Variants in GAD1 observed in about 807,000 individuals in gnomAD.
GAD1 encodes the protein 67 kDa glutamic acid decarboxylase.
GAD1 carries 35 observed loss-of-function variants against 75.2 expected under a neutral mutation model. The observed-to-expected ratio is 0.47, with a 90% CI of 0.36 to 0.62. The LOEUF is 0.62. Among genes scored for constraint, GAD1 ranks in the 20% least tolerant of loss-of-function variants. GAD1 has a pLI of 0.00. For missense variants in GAD1, 490 were observed against 758.5 expected (o/e 0.65, Z 4.16); for synonymous variants, 257 against 271.9 (o/e 0.95, Z 0.54).
chr2:170,847,771 T>C lies in GAD1; in HGVS notation c.1098T>C (p.Tyr366=), dbSNP rs559356309. ...IQEIADICEK[Y]NLWLHVDAAW... Reference sequence around the variant, plus strand: ...AGATTGCAGATATATGTGAGAAATATAACCTTTGGTTGCATGTCGATGTAA... The same window carrying C: ...AGATTGCAGATATATGTGAGAAATACAACCTTTGGTTGCATGTCGATGTAA... Residue 366 remains tyrosine, a synonymous_variant, in exon 11 of 17, where the codon TAT becomes TAC. Transcript: ENST00000358196. The C allele has an allele frequency of 2.5e-6, 4 of 1,613,174 alleles. No individual in the cohort carries two copies. Among genetic ancestry groups the C allele is most frequent in the East Asian group, 2.2e-5 (1 of 44,880 alleles).
intron 5 of GAD1, 130 bp downstream of exon 5, chr2:170,831,322 C>A: frequency 9.7e-7 from 1 of 1,032,016 alleles, no homozygotes; most frequent in Non-Finnish European, 1.5e-6. Context: ...GCAAAGTACC[C>A]AGTGACCACA....
At chr2:170,822,036 C>T (rs1293947962) in intron 2 of GAD1, 51 bp from the exon 3 acceptor site, 1 of 1,479,164 alleles carries the variant, frequency 6.8e-7, no homozygotes, top group African/African-American at 1.4e-5. Flanking sequence ...ACCCATTTCC[C>T]CGCGGTCGGA....
intron 11 of GAD1, 30 bp downstream of exon 11, chr2:170,847,822 T>C (rs1702665791): frequency 6.8e-7 from 1 of 1,465,556 alleles, no homozygotes; most frequent in African/African-American, 1.4e-5. Context: ...GGCCAGTCCA[T>C]GTGGGGGGTG....
At chr2:170,852,554 A>C (rs1411697935) in intron 12 of GAD1, 160 bp from the exon 13 acceptor site, 8 of 691,682 alleles carry the variant, frequency 1.2e-5, no homozygotes. Context: ...ATACTCCGAG[A>C]CTGCCTGCAA....
chr2:170,818,761 A>C lies in GAD1; in HGVS notation c.82+88A>C. On this transcript the variant is annotated intron_variant, in intron 2 of 16. Transcript: ENST00000358196. This position sits in a 1 kb window ranked among gnomAD's most constrained non-coding sequence, Gnocchi z 5.9. The stretch of plus-strand genomic sequence containing the variant: ...GGGAGGCTGAGCTGGCGGAAAGGGA[A>C]GGGGGAGCGCGGAGATAATGGAGGC... The C allele has an allele frequency of 4.7e-6, 6 of 1,270,714 alleles. No individual in the cohort carries two copies. The highest frequency in any genetic ancestry group is 1.7e-5 in the Admixed American group (1 of 59,026). The allele number at this position is 1,270,714 out of a possible 1,614,324, so 78.7% of individuals were successfully genotyped here.
At chr2:170,839,131 A>G (rs1040622180) in intron 6 of GAD1, among the ~76,000 whole-genome samples, 1 of 152,194 alleles carries the variant, frequency 6.6e-6, no homozygotes, top group African/African-American at 2.4e-5. Context: ...AGAATGGCAA[A>G]AGGATCTTTC....
Position 170,836,890 on chromosome 2 carries a change from C to A in GAD1, c.638+7C>A. On this transcript the variant is annotated splice_region_variant and intron_variant, in intron 6 of 16. Coordinates refer to ENST00000358196, the MANE Select transcript of GAD1 (RefSeq NM_000817.3). ...CAACGGCCAATACCAACATGTAAGT[C>A]TCATATGTTTTCATATAAGCAACCC... The A allele has an allele frequency of 6.2e-7, 1 of 1,604,578 alleles. No individual in the cohort carries two copies. The highest frequency in any genetic ancestry group is 8.5e-7 in the Non-Finnish European group (1 of 1,171,492).
chr2:170,844,689 T>C (rs988883863), intron 7 of GAD1, among the ~76,000 whole-genome samples: 1 of 152,230 alleles, frequency 6.6e-6, no homozygotes, highest in African/African-American at 2.4e-5. Context: ...AATTGATTGA[T>C]TTCAGCCAAA....
At chr2:170,855,209 C>CTTTTTTT (rs536241751) in intron 14 of GAD1, among the ~76,000 whole-genome samples, 1 of 129,284 alleles carries the variant, frequency 7.7e-6, no homozygotes, top group African/African-American at 2.8e-5. Flanking sequence ...GTCATTTTGT[C>CTTTTTTT]TTTTTTTTTT....
Position 170,825,052 on chromosome 2 carries a change from G to C in GAD1, c.145+2903G>C, listed in dbSNP as rs577133487. On this transcript the variant is annotated intron_variant, in intron 3 of 16. Transcript: ENST00000358196. ...TTTCTCTTGAAAAAACTTGGGGGTG[G>C]GCAATGGGGAGGGAAACATGGCAGG... 1.1e-4 allele frequency among the ~76,000 whole-genome samples: 16 copies of C among 152,136 alleles called. 1 individual carries two copies. Among genetic ancestry groups the C allele is most frequent in the Middle Eastern group, 6.8e-3 (2 of 294 alleles).
intron 5 of GAD1, among the ~76,000 whole-genome samples, chr2:170,831,765 TTATA>T (rs1013156344): frequency 4.3e-5 from 6 of 138,654 alleles, no homozygotes; most frequent in African/African-American, 1.5e-4. Context: ...ATATAAATAT[TTATA>T]TATAATATTT....
chr2:170,855,872 C>CAAAAAAAA (rs71008727), intron 14 of GAD1, among the ~76,000 whole-genome samples: 9 of 111,682 alleles, frequency 8.1e-5, no homozygotes, highest in Non-Finnish European at 1.0e-4. Context: ...GACTCCATCT[C>CAAAAAAAA]AAAAAAAAAA....
rs11896169 is a variant in GAD1 at position 170,833,013 on chromosome 2, G to C, written c.547+1821G>C. Among the ~76,000 whole-genome samples the C allele has an allele frequency of 4.3e-3, 656 of 152,348 alleles. 3 individuals are homozygous for C. The highest frequency in any genetic ancestry group is 0.015 in the African/African-American group (612 of 41,584). On this transcript the variant is annotated intron_variant, in intron 5 of 16. Transcript: ENST00000358196. Reference sequence around the variant, plus strand: ...GCTTTCCTGAGCTCTCAGGCAGACAGATCTAGAATAATTGACAGTCCCTAG... The same window carrying C: ...GCTTTCCTGAGCTCTCAGGCAGACACATCTAGAATAATTGACAGTCCCTAG...
chr2:170,829,876 G>A (rs1051823697), intron 4 of GAD1: 30 of 514,562 alleles, frequency 5.8e-5, no homozygotes, highest in East Asian at 1.4e-4. Flanking sequence ...AAAGACACTC[G>A]AGGGAACAAA....
At chr2:170,827,425 G>A (rs746907871) in intron 3 of GAD1, among the ~76,000 whole-genome samples, 3 of 152,254 alleles carry the variant, frequency 2.0e-5, no homozygotes, top group Admixed American at 6.5e-5. Flanking sequence ...AGGCTGAATT[G>A]AAGGAGGAGA....
intron 14 of GAD1, among the ~76,000 whole-genome samples, chr2:170,856,551 GATTA>G (rs1179263704): frequency 2.0e-5 from 3 of 152,176 alleles, no homozygotes; most frequent in East Asian, 1.9e-4. Context: ...ATACCCTAAA[GATTA>G]ATTGTTAGAA....
chr2:170,838,181 A>G (rs1433635800), intron 6 of GAD1, among the ~76,000 whole-genome samples: 2 of 152,198 alleles, frequency 1.3e-5, no homozygotes, highest in African/African-American at 4.8e-5. Flanking sequence ...AAAAACTAAA[A>G]CGATGTTCAT....
chr2:170,841,761 A>G (rs1355388284), intron 6 of GAD1, among the ~76,000 whole-genome samples: 2 of 152,142 alleles, frequency 1.3e-5, no homozygotes, highest in Non-Finnish European at 2.9e-5. Flanking sequence ...CTTTCAGGAG[A>G]GAGTGTCAGG....
rs752812272 is a variant in GAD1, at chr2:170,845,569, A to G, written c.815A>G (p.Lys272Arg). The G allele has an allele frequency of 1.2e-6, 2 of 1,614,168 alleles. No individual in the cohort carries two copies. The highest frequency in any genetic ancestry group is 3.3e-5 in the Admixed American group (2 of 60,014). Residue 272 changes from lysine (K) to arginine (R), a missense_variant, in exon 8 of 17, where the codon AAG becomes AGG. Around this residue, in one of 3 missense-constraint regions of GAD1, gnomAD observed 324 missense variants for 523.9 expected, o/e 0.62. Transcript: ENST00000358196. ...CGCTACAAGTACTTCCCGGAAGTTAAGACAAAGGGCATGGCGGCTGTGCCT... is the reference window on the plus strand; with the variant it reads ...CGCTACAAGTACTTCCCGGAAGTTAGGACAAAGGGCATGGCGGCTGTGCCT... The part of the protein sequence containing the change: ...AARYKYFPEV[K>R]TKGMAAVPKL...
Sources: gnomAD v4.1 joint callset for allele counts (sites outside exome capture counted in the v4.1 genomes callset) on GRCh38, gnomAD v4.1.1 for gene constraint, gnomAD v4.1.1 regional missense constraint, Gnocchi (gnomAD v3.1) non-coding constraint, MANE v1.5 for transcripts, NCBI Gene and HGNC (gene_info 2026-07-23, HGNC 2026-07-21) for gene names.